The following CDH18 variants were observed in gnomAD, a reference collection of about 807,000 sequenced individuals.
The protein encoded by CDH18 is cadherin 18.
CDH18 carries 31 observed loss-of-function variants against 67.9 expected under a neutral mutation model. That is an observed-to-expected ratio of 0.46 (90% CI 0.34 to 0.62). The LOEUF (loss-of-function observed/expected upper bound fraction) is 0.62. Among genes scored for constraint, CDH18 ranks in the 20% least tolerant of loss-of-function variants. CDH18 has a pLI of 0.01. For missense variants in CDH18, 890 were observed against 975.5 expected, an observed-to-expected ratio of 0.91 and a Z score of 1.17; for synonymous variants, 362 against 347.2, an observed-to-expected ratio of 1.04 and a Z score of -0.48.
chr5:19,898,621 T>C, intron 2 of CDH18, among the ~76,000 whole-genome samples: 1 of 152,194 alleles, frequency 6.6e-6, no homozygotes, highest in East Asian at 1.9e-4. Flanking sequence ...TTCTTAATTA[T>C]ATATGGAAAA....
At chr5:19,868,837 G>A (rs1421434905) in intron 2 of CDH18, among the ~76,000 whole-genome samples, 1 of 152,156 alleles carries the variant, frequency 6.6e-6, no homozygotes, top group East Asian at 1.9e-4. Context: ...TGTCTGCACT[G>A]CAAGTGTGGG....
intron 1 of CDH18, among the ~76,000 whole-genome samples, chr5:20,532,387 C>A (rs973456641): frequency 6.6e-6 from 1 of 152,070 alleles, no homozygotes; most frequent in African/African-American, 2.4e-5. Context: ...CTGAGAGTCT[C>A]TTTTTTTCTC....
intron 2 of CDH18, among the ~76,000 whole-genome samples, chr5:20,165,231 T>C (rs1179516989): frequency 1.3e-5 from 2 of 152,040 alleles, no homozygotes; most frequent in African/African-American, 4.8e-5. Context: ...TTAGAATGCA[T>C]GTCTTCTCCT....
At chr5:20,312,774 C>A (rs975684473) in intron 1 of CDH18, among the ~76,000 whole-genome samples, 2 of 152,124 alleles carry the variant, frequency 1.3e-5, no homozygotes, top group African/African-American at 2.4e-5. Flanking sequence ...CTTAGAAAAT[C>A]TATTACTATT....
chr5:20,256,462 T>C (rs1200055929), intron 1 of CDH18, among the ~76,000 whole-genome samples: 2 of 152,054 alleles, frequency 1.3e-5, no homozygotes, highest in Non-Finnish European at 2.9e-5. Flanking sequence ...TTTAGGAGTA[T>C]GTCAGTCATT....
chr5:19,504,863 A>G (rs888098615), intron 10 of CDH18, among the ~76,000 whole-genome samples: 1 of 152,064 alleles, frequency 6.6e-6, no homozygotes, highest in Non-Finnish European at 1.5e-5. Context: ...ATTGGTGAAG[A>G]ATATTTCATT....
At chr5:19,889,496 C>A (rs552779184) in intron 2 of CDH18, among the ~76,000 whole-genome samples, 27 of 151,986 alleles carry the variant, frequency 1.8e-4, no homozygotes, top group African/African-American at 6.3e-4. Context: ...TTAGGGGAGA[C>A]TCTGGCTTTT....
intron 1 of CDH18, among the ~76,000 whole-genome samples, chr5:20,294,737 T>G (rs1445186546): frequency 6.6e-6 from 1 of 152,244 alleles, no homozygotes; most frequent in East Asian, 1.9e-4. Flanking sequence ...CACATCCTTC[T>G]GTGTAGCATG....
chr5:19,847,837 T>C (rs1783177492), intron 2 of CDH18, among the ~76,000 whole-genome samples: 2 of 152,126 alleles, frequency 1.3e-5, no homozygotes, highest in Non-Finnish European at 1.5e-5. Flanking sequence ...TCTTCTGATT[T>C]CCCTTTTTTG....
At chr5:20,386,666 C>T (rs1312665431) in intron 1 of CDH18, among the ~76,000 whole-genome samples, 2 of 152,082 alleles carry the variant, frequency 1.3e-5, no homozygotes, top group African/African-American at 2.4e-5. Context: ...AAACCTACTT[C>T]ACATAACCCA....
chr5:20,131,657 G>A (rs536877083), intron 2 of CDH18, among the ~76,000 whole-genome samples: 1 of 152,184 alleles, frequency 6.6e-6, no homozygotes, highest in South Asian at 2.1e-4. Flanking sequence ...AATAGAACTA[G>A]TTATCAAGTG....
intron 2 of CDH18, among the ~76,000 whole-genome samples, chr5:19,843,960 A>T (rs1782635167): frequency 6.6e-6 from 1 of 152,238 alleles, no homozygotes; most frequent in Non-Finnish European, 1.5e-5. Context: ...CTTATTCAAA[A>T]CTATTCCCAT....
intron 2 of CDH18, among the ~76,000 whole-genome samples, chr5:19,898,047 G>T (rs901992750): frequency 6.6e-6 from 1 of 151,964 alleles, no homozygotes; most frequent in African/African-American, 2.4e-5. Context: ...TTAAAAATGT[G>T]TTTCTTTCTG....
intron 1 of CDH18, among the ~76,000 whole-genome samples, chr5:20,438,929 A>G (rs891440424): frequency 6.6e-6 from 1 of 151,580 alleles, no homozygotes; most frequent in Non-Finnish European, 1.5e-5. Context: ...AAATGAAAAT[A>G]GTGAAATACA....
chr5:20,358,181 C>T (rs1345423435), intron 1 of CDH18, among the ~76,000 whole-genome samples: 2 of 152,158 alleles, frequency 1.3e-5, no homozygotes, highest in Non-Finnish European at 2.9e-5. Flanking sequence ...GGCGCGAAGG[C>T]TGAAGAACTA....
intron 5 of CDH18, among the ~76,000 whole-genome samples, chr5:19,649,423 T>C (rs1755250103): frequency 6.6e-6 from 1 of 152,074 alleles, no homozygotes; most frequent in Non-Finnish European, 1.5e-5. Flanking sequence ...GGTTAAATAT[T>C]TGGAAGATTT....
chr5:19,473,843 C>A, intron 12 of CDH18, 127 bp from the exon 13 acceptor site: 2 of 752,918 alleles, frequency 2.7e-6, no homozygotes, highest in Non-Finnish European at 4.4e-6. Flanking sequence ...GCTGGCATTG[C>A]AGCACAACTC....
At chr5:20,360,512 A>G (rs1203978552) in intron 1 of CDH18, among the ~76,000 whole-genome samples, 1 of 152,192 alleles carries the variant, frequency 6.6e-6, no homozygotes, top group Non-Finnish European at 1.5e-5. Context: ...ATTCTGCCCC[A>G]GGAATTAGGT....
At chr5:19,678,358 A>C (rs1349482795) in intron 5 of CDH18, among the ~76,000 whole-genome samples, 1 of 151,976 alleles carries the variant, frequency 6.6e-6, no homozygotes, top group Non-Finnish European at 1.5e-5. Flanking sequence ...CATGGAAATT[A>C]ATCAACTTAC....
Sources: allele counts gnomAD v4.1 joint callset (sites outside exome capture counted in the v4.1 genomes callset), GRCh38; gene constraint gnomAD v4.1.1; transcripts MANE v1.5; gene names NCBI Gene and HGNC (gene_info 2026-07-23, HGNC 2026-07-21).